The following CREB5 variants were observed in gnomAD, a reference collection of about 807,000 sequenced individuals.
CREB5 encodes the protein cAMP responsive element binding protein 5, also known as cyclic AMP-responsive element-binding protein 5.
A neutral mutation model predicts 57.1 loss-of-function variants in CREB5; 19 were observed. The observed-to-expected ratio is 0.33, with a 90% confidence interval of 0.23 to 0.49. CREB5 has a LOEUF of 0.49. Ranked by LOEUF, CREB5 falls within the 20% of genes least tolerant of loss-of-function variation. The pLI is 0.99. For synonymous variants in CREB5, 238 were observed against 238.3 expected, an observed-to-expected ratio of 1.00 and a Z score of 0.01; for missense variants, 579 against 671.6, an observed-to-expected ratio of 0.86 and a Z score of 1.52.
intron 7 of CREB5, among the ~76,000 whole-genome samples, chr7:28,744,119 C>T (rs561569304): frequency 1.5e-5 from 2 of 135,604 alleles, no homozygotes; most frequent in Admixed American, 1.6e-4. Context: ...TTTGTTCTTG[C>T]GATAGTTTAC....
intron 7 of CREB5, among the ~76,000 whole-genome samples, chr7:28,772,169 G>C (rs1198025750): frequency 6.6e-6 from 1 of 152,192 alleles, no homozygotes; most frequent in Non-Finnish European, 1.5e-5. Flanking sequence ...GGAGTTTCCT[G>C]AATTTGGCAG....
At chr7:28,507,444 T>G (rs930974373) in intron 3 of CREB5, among the ~76,000 whole-genome samples, 172 bp from the exon 4 acceptor site, 1 of 152,162 alleles carries the variant, frequency 6.6e-6, no homozygotes, top group Non-Finnish European at 1.5e-5. Flanking sequence ...GCTTCGGAAT[T>G]TACGGTTTTA....
At chr7:28,527,239 A>G (rs1793487928) in intron 4 of CREB5, among the ~76,000 whole-genome samples, 1 of 152,246 alleles carries the variant, frequency 6.6e-6, no homozygotes, top group Admixed American at 6.5e-5. Context: ...CTCTTTGCCC[A>G]GTAAGAACCC....
At chr7:28,367,511 C>A (rs1040257281) in intron 1 of CREB5, among the ~76,000 whole-genome samples, 12 of 152,160 alleles carry the variant, frequency 7.9e-5, no homozygotes, top group African/African-American at 1.2e-4. Flanking sequence ...TCAGTGCTAC[C>A]TTTAAAACAT....
chr7:28,340,843 G>C (rs1785922635), intron 1 of CREB5, among the ~76,000 whole-genome samples: 1 of 152,136 alleles, frequency 6.6e-6, no homozygotes, highest in Admixed American at 6.5e-5. Flanking sequence ...CTCTGGCTAG[G>C]GTTTGTCTAA....
chr7:28,818,245 A>C (rs1487346488), intron 10 of CREB5, 66 bp downstream of exon 10: 7 of 1,131,068 alleles, frequency 6.2e-6, no homozygotes, highest in Non-Finnish European at 9.3e-6. Flanking sequence ...TTTGCACTGA[A>C]TTTGATTGAA....
intron 1 of CREB5, among the ~76,000 whole-genome samples, chr7:28,453,616 T>C (rs1464257102): frequency 6.6e-6 from 1 of 152,202 alleles, no homozygotes; most frequent in South Asian, 2.1e-4. Context: ...ACAAAACACT[T>C]GGCATCCCTG....
rs541858092 is a variant in CREB5 at position 28,360,405 on chromosome 7, A to AT, written c.-25+60968dup. On this transcript the variant is annotated intron_variant, in intron 1 of 9. Transcript: ENST00000396299. ...TCAGCCTTTAAAAAGAAATTCTGTC[A>AT]TTTTCAACAACATGGATGAACCTGG... 2.9e-4 allele frequency among the ~76,000 whole-genome samples: 44 copies of AT among 152,318 alleles called. 2 individuals are homozygous for AT. The South Asian group carries it at 4.8e-3, about 16-fold the overall frequency.
intron 1 of CREB5, chr7:28,435,689 G>T (rs201934999): frequency 1.0e-6 from 1 of 984,400 alleles, no homozygotes; most frequent in South Asian, 4.7e-5. Flanking sequence ...TATTTTCAGG[G>T]TAAGTGGTGG....
intron 1 of CREB5, among the ~76,000 whole-genome samples, chr7:28,427,868 G>A (rs1241603635): frequency 2.0e-5 from 3 of 152,174 alleles, no homozygotes; most frequent in Admixed American, 6.5e-5. Context: ...ATCACTAAAG[G>A]TGGATCTTTG....
intron 3 of CREB5, among the ~76,000 whole-genome samples, chr7:28,496,845 T>A (rs1335806369): frequency 6.6e-6 from 1 of 152,174 alleles, no homozygotes; most frequent in East Asian, 1.9e-4. Context: ...TTTGGTCTCC[T>A]TTTAAGTCTA....
chr7:28,725,406 G>T (rs967456771), intron 7 of CREB5, among the ~76,000 whole-genome samples: 15 of 152,206 alleles, frequency 9.9e-5, no homozygotes. Flanking sequence ...TGAGCTCCCA[G>T]TGCTGGCTAC....
intron 5 of CREB5, among the ~76,000 whole-genome samples, chr7:28,600,619 G>A (rs1796880792): frequency 6.6e-6 from 1 of 152,154 alleles, no homozygotes; most frequent in Non-Finnish European, 1.5e-5. Context: ...ATTTTCGTTT[G>A]CAGCAAGATT....
intron 5 of CREB5, among the ~76,000 whole-genome samples, chr7:28,606,692 C>T (rs914393626): frequency 6.6e-6 from 1 of 152,156 alleles, no homozygotes; most frequent in African/African-American, 2.4e-5. Context: ...TTATGTTACT[C>T]ATACAAGATT....
chr7:28,574,016 G>A (rs1185127264), intron 5 of CREB5, among the ~76,000 whole-genome samples: 2 of 152,138 alleles, frequency 1.3e-5, no homozygotes, highest in African/African-American at 4.8e-5. Flanking sequence ...TGTGTGGTTG[G>A]GCAGACTAGA....
rs1562796977 is a variant in CREB5 at position 28,560,819 on chromosome 7, T to TGTGTGCGTGTGCGTGC, written c.292-9543_292-9542insTGCGTGTGCGTGCGTG. On this transcript the variant is annotated intron_variant, in intron 4 of 10. Coordinates refer to ENST00000357727, the MANE Select transcript of CREB5 (RefSeq NM_182898.4). ...CACAGTGTGTGTGCGCGTGTGTGTGTGTGCGCGCGCGCGCGTGTGTGTGTG... is the reference window on the plus strand; with the variant it reads ...CACAGTGTGTGTGCGCGTGTGTGTGTGTGTGCGTGTGCGTGCGTGCGCGCGCGCGCGTGTGTGTGTG... 4.8e-5 allele frequency among the ~76,000 whole-genome samples: 3 copies of TGTGTGCGTGTGCGTGC among 62,354 alleles called. 1 individual carries two copies. The highest frequency in any genetic ancestry group is 1.7e-4 in the African/African-American group (3 of 17,580). The allele number at this position is 62,354 out of a possible 152,430, so 40.9% of individuals were successfully genotyped here.
intron 5 of CREB5, 38 bp from the exon 6 acceptor site, chr7:28,718,715 C>G (rs778548876): frequency 6.2e-7 from 1 of 1,609,050 alleles, no homozygotes; most frequent in South Asian, 1.1e-5. Flanking sequence ...GGCCAGGGCA[C>G]CAGGAATCAT....
At chr7:28,580,598 A>T (rs201911032) in intron 5 of CREB5, among the ~76,000 whole-genome samples, 9,173 of 107,378 alleles carry the variant, frequency 0.085, 355 homozygotes, top group East Asian at 0.15. Context: ...TGTGTGAGAG[A>T]GAGATAGACA....
At chr7:28,432,403 A>G (rs1788758811) in intron 1 of CREB5, among the ~76,000 whole-genome samples, 1 of 152,174 alleles carries the variant, frequency 6.6e-6, no homozygotes, top group Admixed American at 6.5e-5. Flanking sequence ...GCTCGTACGC[A>G]GTTTTGTGGC....
Sources: gnomAD v4.1 joint callset for allele counts (sites outside exome capture counted in the v4.1 genomes callset) on GRCh38, gnomAD v4.1.1 for gene constraint, MANE v1.5 for transcripts, NCBI Gene and HGNC (gene_info 2026-07-23, HGNC 2026-07-21) for gene names.